Variants in SDK2 observed in about 807,000 individuals in gnomAD.
The protein encoded by SDK2 is sidekick cell adhesion molecule 2.
In SDK2, 105 loss-of-function variants were observed where a neutral mutation model predicts 253.9. The ratio of observed to expected loss-of-function variants is 0.41; its 90% CI spans 0.35 to 0.49. The LOEUF is 0.49. Ranked by LOEUF, SDK2 falls within the 20% of genes least tolerant of loss-of-function variation. The pLI is 0.06. For missense variants in SDK2, 2,608 were observed against 3,003.0 expected (o/e 0.87, Z 3.07); for synonymous variants, 1,249 against 1,234.9 (o/e 1.01, Z -0.24).
At chr17:73,350,418 TC>T in intron 42 of SDK2, 43 bp from the exon 43 acceptor site, 1 of 1,588,014 alleles carries the variant, frequency 6.3e-7, no homozygotes, top group Non-Finnish European at 8.6e-7. Context: ...CTGTGTGGCC[TC>T]CCCTCTCCCA....
At chr17:73,607,480 C>T (rs1383053495) in intron 1 of SDK2, among the ~76,000 whole-genome samples, 1 of 151,972 alleles carries the variant, frequency 6.6e-6, no homozygotes, top group East Asian at 1.9e-4. Context: ...AGATTGCTGC[C>T]CCTGGGGAGC....
At chr17:73,542,555 G>A (rs374445750) in intron 1 of SDK2, among the ~76,000 whole-genome samples, 2 of 152,212 alleles carry the variant, frequency 1.3e-5, no homozygotes, top group Non-Finnish European at 2.9e-5. Context: ...GTGGCCCTCC[G>A]TGAGCTGTGC....
chr17:73,591,443 G>A (rs376999284), intron 1 of SDK2, among the ~76,000 whole-genome samples: 6 of 152,158 alleles, frequency 3.9e-5, no homozygotes, highest in South Asian at 4.1e-4. Flanking sequence ...CTTCCGGGAC[G>A]CCACAGTGGG....
chr17:73,482,439 T>C (rs1379418683), intron 2 of SDK2, among the ~76,000 whole-genome samples: 1 of 152,128 alleles, frequency 6.6e-6, no homozygotes, highest in Non-Finnish European at 1.5e-5. Context: ...GGGGAGGAGA[T>C]GTCTCAGGGC....
intron 2 of SDK2, among the ~76,000 whole-genome samples, chr17:73,499,079 G>A (rs1020039257): frequency 5.9e-5 from 9 of 152,314 alleles, no homozygotes; most frequent in East Asian, 1.9e-4. Context: ...CTGTGCTCCC[G>A]TGCCCTCTGG....
intron 1 of SDK2, among the ~76,000 whole-genome samples, chr17:73,582,253 G>A (rs111755940): frequency 4.2e-5 from 6 of 142,792 alleles, no homozygotes; most frequent in African/African-American, 8.1e-5. Flanking sequence ...ATTTGGGGGC[G>A]CACACCACGC....
At chr17:73,344,103 T>C (rs1324484786) in intron 44 of SDK2, among the ~76,000 whole-genome samples, 2 of 152,236 alleles carry the variant, frequency 1.3e-5, no homozygotes, top group East Asian at 3.9e-4. Context: ...GTAGGGGTGA[T>C]GTGTCTCCTG....
intron 3 of SDK2, among the ~76,000 whole-genome samples, chr17:73,470,514 G>A (rs1482145955): frequency 6.6e-6 from 1 of 152,226 alleles, no homozygotes; most frequent in Middle Eastern, 3.2e-3. Flanking sequence ...CACTGACTAA[G>A]CGAAGCTCCC....
At chr17:73,578,498 A>T (rs1187494426) in intron 1 of SDK2, among the ~76,000 whole-genome samples, 1 of 152,134 alleles carries the variant, frequency 6.6e-6, no homozygotes, top group Admixed American at 6.5e-5. Flanking sequence ...AAGCTCACAC[A>T]CCACAGTGGT....
intron 4 of SDK2, among the ~76,000 whole-genome samples, chr17:73,454,528 G>A (rs1192599418): frequency 2.0e-5 from 3 of 152,164 alleles, no homozygotes; most frequent in Non-Finnish European, 2.9e-5. Flanking sequence ...ATTCAACAAC[G>A]CCTCCTTTCT....
At chr17:73,362,802 G>A (rs1016181879) in intron 38 of SDK2, among the ~76,000 whole-genome samples, 7 of 152,202 alleles carry the variant, frequency 4.6e-5, no homozygotes, top group East Asian at 3.9e-4. Context: ...TCTGTGCTTC[G>A]CGAATCCAAA....
chr17:73,369,803 G>A (rs548992480), intron 36 of SDK2, among the ~76,000 whole-genome samples: 3 of 152,200 alleles, frequency 2.0e-5, no homozygotes, highest in Non-Finnish European at 4.4e-5. Flanking sequence ...CCGCCACCAC[G>A]CCCGGCTAAT....
chr17:73,614,979 TAAA>T (rs57411997), intron 1 of SDK2, among the ~76,000 whole-genome samples: 41 of 137,278 alleles, frequency 3.0e-4, no homozygotes, highest in Admixed American at 3.6e-4. Flanking sequence ...GAATAGAAGA[TAAA>T]AAAAAAAAAA....
intron 1 of SDK2, among the ~76,000 whole-genome samples, chr17:73,550,267 G>A (rs984123578): frequency 1.3e-5 from 2 of 152,072 alleles, no homozygotes; most frequent in African/African-American, 2.4e-5. Context: ...GGTTCTCCCC[G>A]GCCTCCTAGC....
chr17:73,405,517 T>TATATAA lies in SDK2; in HGVS notation c.2485-3377_2485-3376insTTATAT, dbSNP rs750250733. Among the ~76,000 whole-genome samples the TATATAA allele has an allele frequency of 3.8e-4, 25 of 66,144 alleles. 6 individuals carry two copies. The highest frequency in any genetic ancestry group is 4.9e-4 in the African/African-American group (8 of 16,216). 43.4% of individuals were successfully genotyped at this position (66,144 alleles called of 152,430 possible). On this transcript the variant is annotated intron_variant, in intron 18 of 44. Coordinates refer to ENST00000392650, the MANE Select transcript of SDK2 (RefSeq NM_001144952.2). ...ATATATATATATATATATATATATA[T>TATATAA]AAAGATCGAGAATGTGGAAAGTACA...
At chr17:73,559,854 A>G (rs1432752524) in intron 1 of SDK2, among the ~76,000 whole-genome samples, 5 of 152,206 alleles carry the variant, frequency 3.3e-5, no homozygotes, top group African/African-American at 1.2e-4. Flanking sequence ...GAGACAACTC[A>G]AAGCCTTTAG....
chr17:73,493,376 A>G (rs2063820760), intron 2 of SDK2, among the ~76,000 whole-genome samples: 1 of 152,332 alleles, frequency 6.6e-6, no homozygotes, highest in South Asian at 2.1e-4. Flanking sequence ...TGTGCGGCAC[A>G]TTGGAGAGTC....
chr17:73,485,300 A>T (rs553343474), intron 2 of SDK2, among the ~76,000 whole-genome samples: 2 of 152,202 alleles, frequency 1.3e-5, no homozygotes, highest in South Asian at 4.2e-4. Flanking sequence ...GAAGAAAAGG[A>T]GGAGGTGCTG....
chr17:73,395,256 T>C lies in SDK2; in HGVS notation c.3491A>G (p.Asp1164Gly). 1 of 1,613,796 alleles carries C rather than the reference T, an allele frequency of 6.2e-7. No homozygotes were observed. The highest frequency in any genetic ancestry group is 8.5e-7 in the Non-Finnish European group (1 of 1,179,844). ...DRVERDYTIE[D>G]LEEWTEYRVQ... is the part of the protein sequence containing the mutation. ...GCGGTACTCTGTCCACTCCTCCAGG[T>C]CCTCGATGGTGTAGTCCCGCTCCAC... Residue 1164 changes from aspartate (D) to glycine (G), a missense_variant, in exon 25 of 45, where the codon GAC (aspartate) becomes GGC (glycine). Around this residue, in one of 2 missense-constraint regions of SDK2, gnomAD observed 1,505 missense variants for 1,859.1 expected, o/e 0.81. Transcript: ENST00000392650. This position sits in a 1 kb window ranked among gnomAD's most constrained non-coding sequence, Gnocchi z 4.3.
Sources: gnomAD v4.1 joint callset for allele counts (sites outside exome capture counted in the v4.1 genomes callset) on GRCh38, gnomAD v4.1.1 for gene constraint, gnomAD v4.1.1 regional missense constraint, Gnocchi (gnomAD v3.1) non-coding constraint, MANE v1.5 for transcripts, NCBI Gene and HGNC (gene_info 2026-07-23, HGNC 2026-07-21) for gene names.